The following NR2C2 variants were observed in gnomAD, a reference collection of about 807,000 sequenced individuals.
The protein encoded by NR2C2 is nuclear receptor subfamily 2 group C member 2.
NR2C2 carries 6 observed loss-of-function variants against 62.9 expected under a neutral mutation model. The ratio of observed to expected loss-of-function variants is 0.10; its 90% confidence interval spans 0.05 to 0.19. NR2C2 has a LOEUF of 0.19. Among genes scored for constraint, NR2C2 ranks in the 10% least tolerant of loss-of-function variants. The probability of loss-of-function intolerance (pLI) is 1.00; values close to 1 mark genes in which losing one functional copy is unlikely to be tolerated. For synonymous variants in NR2C2, 272 were observed against 273.8 expected (o/e 0.99, Z 0.07); for missense variants, 479 against 762.7 (o/e 0.63, Z 4.38).
At chr3:15,002,805 C>T (rs770323073) in intron 1 of NR2C2, among the ~76,000 whole-genome samples, 3 of 150,900 alleles carry the variant, frequency 2.0e-5, no homozygotes, top group Non-Finnish European at 4.4e-5. Context: ...ATTACAGGCA[C>T]GGGCCACCAT....
At position 14,971,571 on chromosome 3, in the gene NR2C2, C is replaced by T. The variant is rs183508313; in HGVS notation, c.-40+23665C>T. Among the ~76,000 whole-genome samples, 4 of 151,744 alleles carry T rather than the reference C, an allele frequency of 2.6e-5. No individual in the cohort carries two copies. In the East Asian group the frequency reaches 7.7e-4, roughly 29 times the overall value. ...TGAGAAACTGCTATATTGTTTTCCA[C>T]AGCGGCTGCAACCATGTTACATTCT... is the stretch of plus-strand genomic sequence containing the variant. On this transcript the variant is annotated intron_variant, in intron 1 of 13. Coordinates refer to ENST00000425241, the MANE Select transcript of NR2C2 (RefSeq NM_001291694.2).
chr3:15,017,260 G>A (rs2041536722), intron 4 of NR2C2, among the ~76,000 whole-genome samples: 1 of 152,082 alleles, frequency 6.6e-6, no homozygotes, highest in African/African-American at 2.4e-5. Flanking sequence ...CTCTGCTCCC[G>A]CCCTTTGTCC....
At chr3:14,969,454 G>C (rs1358427079) in intron 1 of NR2C2, among the ~76,000 whole-genome samples, 1 of 152,056 alleles carries the variant, frequency 6.6e-6, no homozygotes, top group Non-Finnish European at 1.5e-5. Flanking sequence ...TGTTGGCCAG[G>C]CTGGTCTCGA....
chr3:14,993,902 T>C (rs1379972354), intron 1 of NR2C2, among the ~76,000 whole-genome samples: 2 of 152,192 alleles, frequency 1.3e-5, no homozygotes, highest in African/African-American at 2.4e-5. Flanking sequence ...GAGTTTAAAC[T>C]GTACCTCAGG....
At chr3:14,967,707 A>G (rs997758050) in intron 1 of NR2C2, among the ~76,000 whole-genome samples, 2 of 152,212 alleles carry the variant, frequency 1.3e-5, no homozygotes, top group African/African-American at 2.4e-5. Context: ...GGGCTTCAGT[A>G]TTTTTTAAGC....
chr3:15,033,683 C>T (rs1382476059), intron 10 of NR2C2, among the ~76,000 whole-genome samples: 2 of 135,512 alleles, frequency 1.5e-5, no homozygotes, highest in African/African-American at 2.8e-5. Context: ...CCACAGTCCA[C>T]AGTTAATAGT....
chr3:14,950,531 C>A (rs889912063), intron 1 of NR2C2, among the ~76,000 whole-genome samples: 1 of 146,690 alleles, frequency 6.8e-6, no homozygotes, highest in Non-Finnish European at 1.5e-5. Flanking sequence ...TGTAAGCTTA[C>A]CCCCCACCCC....
chr3:14,964,479 TG>T (rs1384446223), intron 1 of NR2C2, among the ~76,000 whole-genome samples: 1 of 148,948 alleles, frequency 6.7e-6, no homozygotes, highest in African/African-American at 2.5e-5. Context: ...GTATGATTAC[TG>T]TGGACTTTAT....
At chr3:14,948,925 GC>G (rs915905414) in intron 1 of NR2C2, among the ~76,000 whole-genome samples, 4 of 152,174 alleles carry the variant, frequency 2.6e-5, no homozygotes, top group African/African-American at 9.7e-5. Context: ...TGTTTGTGGG[GC>G]TCTACTCAGA....
intron 1 of NR2C2, among the ~76,000 whole-genome samples, chr3:14,970,482 A>T (rs938496218): frequency 3.9e-5 from 6 of 152,104 alleles, no homozygotes; most frequent in Non-Finnish European, 4.4e-5. Context: ...AGCACCAGCT[A>T]CCATTCCCCT....
chr3:15,041,228 C>A (rs1023190863), intron 13 of NR2C2, among the ~76,000 whole-genome samples: 1 of 152,116 alleles, frequency 6.6e-6, no homozygotes, highest in African/African-American at 2.4e-5. Flanking sequence ...CTGGAATATC[C>A]ATTTTTTACT....
At chr3:14,965,546 A>AG (rs2039821666) in intron 1 of NR2C2, among the ~76,000 whole-genome samples, 1 of 142,890 alleles carries the variant, frequency 7.0e-6, no homozygotes, top group Admixed American at 7.0e-5. Flanking sequence ...AAAAAAAAAA[A>AG]GCATTTTTAG....
chr3:15,003,953 C>T lies in NR2C2; in HGVS notation c.39C>T (p.Thr13=), dbSNP rs1425143282. 9.9e-6 allele frequency: 16 copies of T among 1,613,574 alleles called. No individual in the cohort carries two copies. The highest frequency in any genetic ancestry group is 1.2e-5 in the Non-Finnish European group (14 of 1,179,818). Reference sequence around the variant, plus strand: ...CCCCACGCATCCAGATAATCTCCACCGACTCTGCTGTAGCCTCACCTCAGC... The same window carrying T: ...CCCCACGCATCCAGATAATCTCCACTGACTCTGCTGTAGCCTCACCTCAGC... ...SPSPRIQIIS[T]DSAVASPQRI... Residue 13 remains threonine (T), a synonymous_variant, in exon 2 of 14, where the codon ACC becomes ACT. Coordinates refer to ENST00000425241, the MANE Select transcript of NR2C2 (RefSeq NM_001291694.2).
At chr3:15,001,356 C>CA (rs2040996137) in intron 1 of NR2C2, among the ~76,000 whole-genome samples, 2 of 105,986 alleles carry the variant, frequency 1.9e-5, no homozygotes, top group East Asian at 3.1e-4. Context: ...TTTTTGGAGA[C>CA]AGAGTTTCAC....
At chr3:14,969,166 T>A (rs1220496532) in intron 1 of NR2C2, among the ~76,000 whole-genome samples, 1 of 151,892 alleles carries the variant, frequency 6.6e-6, no homozygotes, top group Non-Finnish European at 1.5e-5. Context: ...AAAAAAAAAT[T>A]TCCCTCTATA....
intron 1 of NR2C2, among the ~76,000 whole-genome samples, chr3:15,003,149 A>G (rs1372530473): frequency 7.3e-6 from 1 of 136,356 alleles, no homozygotes; most frequent in Non-Finnish European, 1.6e-5. Flanking sequence ...ATGGAGTTTT[A>G]CCATTTTGGC....
chr3:14,952,816 A>G (rs1277951919), intron 1 of NR2C2, among the ~76,000 whole-genome samples: 1 of 152,220 alleles, frequency 6.6e-6, no homozygotes, highest in African/African-American at 2.4e-5. Flanking sequence ...CCGAGGTAGC[A>G]GTCCTACTCC....
chr3:15,004,758 G>GT lies in NR2C2; in HGVS notation c.72+779dup, dbSNP rs978460133. ...TGTTTTTCTTCTTGCAGTTTTATCA[G>GT]TTTTTTTGGCTCACTTTGATGCTCT... On this transcript the variant is annotated intron_variant, in intron 2 of 13. Transcript: ENST00000425241. The GT allele has an allele frequency of 1.7e-5, 17 of 990,410 alleles. No homozygotes were observed. In the South Asian group the frequency reaches 1.9e-4, roughly 11 times the overall value. 61.4% of individuals were successfully genotyped at this position (990,410 alleles called of 1,614,324 possible). A position where few individuals can be genotyped will look rare whatever the true frequency, so the allele number is the denominator to read the frequency against.
intron 1 of NR2C2, among the ~76,000 whole-genome samples, chr3:14,955,183 A>G (rs374856428): frequency 4.6e-5 from 7 of 152,306 alleles, no homozygotes; most frequent in African/African-American, 1.7e-4. Flanking sequence ...AGTTTTACTT[A>G]GTAAAATTGT....
Sources: gnomAD v4.1 joint callset for allele counts (sites outside exome capture counted in the v4.1 genomes callset) on GRCh38, gnomAD v4.1.1 for gene constraint, MANE v1.5 for transcripts, NCBI Gene and HGNC (gene_info 2026-07-23, HGNC 2026-07-21) for gene names.